Variants in SLC7A11 observed in about 807,000 individuals in gnomAD.
SLC7A11 encodes cystine/glutamate transporter.
SLC7A11 carries 35 observed loss-of-function variants against 54.5 expected under a neutral mutation model. The observed-to-expected ratio is 0.64, with a 90% CI of 0.49 to 0.85. SLC7A11 has a LOEUF of 0.85. SLC7A11 is among the 40% of genes least tolerant of loss of function. SLC7A11 has a pLI of 0.00. For synonymous variants in SLC7A11, 230 were observed against 225.2 expected, an observed-to-expected ratio of 1.02 and a Z score of -0.19; for missense variants, 583 against 618.1, an observed-to-expected ratio of 0.94 and a Z score of 0.60.
At chr4:138,224,056 C>T (rs979349987) in intron 3 of SLC7A11, among the ~76,000 whole-genome samples, 4 of 152,146 alleles carry the variant, frequency 2.6e-5, no homozygotes, top group South Asian at 2.1e-4. Flanking sequence ...TATCCACCTT[C>T]GACACCTTGT....
intron 4 of SLC7A11, among the ~76,000 whole-genome samples, chr4:138,220,599 T>A (rs549437165): frequency 6.6e-6 from 1 of 152,236 alleles, no homozygotes; most frequent in Admixed American, 6.5e-5. Context: ...TTCTTTTATA[T>A]CTTTTGAATA....
chr4:138,172,028 ATAAAAATGAAT>A lies in SLC7A11; in HGVS notation c.1445-22_1445-12del. 1.3e-6 allele frequency: 2 copies of A among 1,575,100 alleles called. No individual in the cohort carries two copies. Among genetic ancestry groups the A allele is most frequent in the South Asian group, 2.4e-5 (2 of 83,804 alleles). The stretch of plus-strand genomic sequence containing the variant: ...TTCTGGTTATTTTCTCTACAAAGAA[ATAAAAATGAAT>A]TAAAAATGCATGGAAATCAGAAATG... On this transcript the variant is annotated splice_polypyrimidine_tract_variant and intron_variant, in intron 11 of 11. Transcript: ENST00000280612.
intron 6 of SLC7A11, among the ~76,000 whole-genome samples, chr4:138,199,554 A>G (rs1263872733): frequency 1.3e-5 from 2 of 152,180 alleles, no homozygotes; most frequent in Non-Finnish European, 2.9e-5. Context: ...CAGGATAATC[A>G]GGATATCCTG....
intron 6 of SLC7A11, among the ~76,000 whole-genome samples, chr4:138,193,385 T>C (rs573118342): frequency 4.9e-4 from 74 of 152,290 alleles, no homozygotes; most frequent in Non-Finnish European, 9.3e-4. Flanking sequence ...TGTATTGACA[T>C]TCTATCAAAG....
intron 6 of SLC7A11, among the ~76,000 whole-genome samples, chr4:138,203,593 G>T (rs1233469963): frequency 6.6e-6 from 1 of 152,002 alleles, no homozygotes; most frequent in Non-Finnish European, 1.5e-5. Flanking sequence ...TCTGCCACAT[G>T]ATTTATCATA....
intron 6 of SLC7A11, among the ~76,000 whole-genome samples, chr4:138,188,469 G>T (rs1220960723): frequency 6.6e-6 from 1 of 152,150 alleles, no homozygotes; most frequent in African/African-American, 2.4e-5. Flanking sequence ...GAAGGGGGTG[G>T]GGAGGTTCTC....
intron 1 of SLC7A11, 141 bp from the exon 2 acceptor site, chr4:138,236,592 A>T: frequency 1.4e-6 from 1 of 735,754 alleles, no homozygotes; most frequent in South Asian, 2.0e-5. Flanking sequence ...ACTCAAGACA[A>T]ATAACCATCA....
Position 138,168,930 on chromosome 4 carries a change from C to A in SLC7A11, c.*3026G>T, listed in dbSNP as rs933768309. ...AGTATTATAAGGAAAATATTTACTG[C>A]AAATATTTATAATTGTGTAAGGAGA... On this transcript the variant is annotated 3_prime_UTR_variant, in exon 12 of 12. Coordinates refer to ENST00000280612, the MANE Select transcript of SLC7A11 (RefSeq NM_014331.4). 1 of 152,118 alleles carries A rather than the reference C, an allele frequency of 6.6e-6. No individual in the cohort carries two copies. The highest frequency in any genetic ancestry group is 2.4e-5 in the African/African-American group (1 of 41,434). The allele number at this position is 152,118 out of a possible 1,614,324, so 9.4% of individuals were successfully genotyped here.
intron 1 of SLC7A11, among the ~76,000 whole-genome samples, chr4:138,237,737 A>ATATATTTT (rs1560742768): frequency 1.0e-4 from 1 of 9,832 alleles, no homozygotes; most frequent in Non-Finnish European, 1.7e-4. Flanking sequence ...ATATATATAT[A>ATATATTTT]TTTTTTTTTT....
intron 5 of SLC7A11, among the ~76,000 whole-genome samples, chr4:138,215,617 T>A (rs1021556627): frequency 8.6e-5 from 13 of 152,000 alleles, no homozygotes; most frequent in African/African-American, 3.1e-4. Flanking sequence ...GACTAGAAAA[T>A]AAGTTTCTAT....
chr4:138,229,170 T>C (rs139288238), intron 3 of SLC7A11, among the ~76,000 whole-genome samples: 2 of 152,326 alleles, frequency 1.3e-5, no homozygotes, highest in Non-Finnish European at 2.9e-5. Context: ...AAGCAATTCA[T>C]GCAATTCAAC....
chr4:138,238,713 C>T lies in SLC7A11; in HGVS notation c.278-2262G>A, dbSNP rs149548937. On this transcript the variant is annotated intron_variant, in intron 1 of 11. Transcript: ENST00000280612. ...CTCCTGAGCTCAAGTGATCCTTCCACGTCAGCCTCCCAAGTAGCTGGGACC... is the reference window on the plus strand; with the variant it reads ...CTCCTGAGCTCAAGTGATCCTTCCATGTCAGCCTCCCAAGTAGCTGGGACC... Among the ~76,000 whole-genome samples, 1,441 of 152,114 alleles carry T rather than the reference C, an allele frequency of 9.5e-3. 31 individuals carry two copies. The highest frequency in any genetic ancestry group is 0.032 in the African/African-American group (1,331 of 41,496).
chr4:138,170,250 G>GTATATATATA lies in SLC7A11; in HGVS notation c.*1696_*1705dup, dbSNP rs1176136985. The GTATATATATA allele has an allele frequency of 1.8e-4, 13 of 74,102 alleles. No individual in the cohort carries two copies. The highest frequency in any genetic ancestry group is 1.7e-3 in the South Asian group (2 of 1,202). 4.6% of individuals were successfully genotyped at this position (74,102 alleles called of 1,614,324 possible). A position where few individuals can be genotyped will look rare whatever the true frequency, so the allele number is the denominator to read the frequency against. On this transcript the variant is annotated 3_prime_UTR_variant, in exon 12 of 12. Transcript: ENST00000280612. ...ATATAAAAAGTGTGTGTGTGTGTGTGTATATATATATATATATATATACAC... is the reference window on the plus strand; with the variant it reads ...ATATAAAAAGTGTGTGTGTGTGTGTGTATATATATATATATATATATATATATATATACAC...
Position 138,171,716 on chromosome 4 carries a change from A to G in SLC7A11, c.*240T>C. ...CTCCTAACCCCAATAGGTAGGTATCAGAGACTCAAGAATTGTGCGACTCAT... is the reference window on the plus strand; with the variant it reads ...CTCCTAACCCCAATAGGTAGGTATCGGAGACTCAAGAATTGTGCGACTCAT... On this transcript the variant is annotated 3_prime_UTR_variant, in exon 12 of 12. Coordinates refer to ENST00000280612, the MANE Select transcript of SLC7A11 (RefSeq NM_014331.4). The G allele has an allele frequency of 2.3e-6, 1 of 440,156 alleles. No homozygotes were observed. 27.3% of individuals were successfully genotyped at this position (440,156 alleles called of 1,614,324 possible). A position where few individuals can be genotyped will look rare whatever the true frequency, so the allele number is the denominator to read the frequency against.
chr4:138,183,144 T>C, intron 8 of SLC7A11, 58 bp downstream of exon 8: 1 of 1,200,234 alleles, frequency 8.3e-7, no homozygotes, highest in South Asian at 1.3e-5. Flanking sequence ...AAGTTATCCT[T>C]ATCACATCCA....
chr4:138,167,190 C>A lies in SLC7A11; in HGVS notation c.*4766G>T, dbSNP rs992238657. ...TTGAGATGAAGTCTCGCGCTCTTGTCCCCTAGGCTGGAGTGCAATGATGCG... is the reference window on the plus strand; with the variant it reads ...TTGAGATGAAGTCTCGCGCTCTTGTACCCTAGGCTGGAGTGCAATGATGCG... On this transcript the variant is annotated 3_prime_UTR_variant, in exon 12 of 12. Coordinates refer to ENST00000280612, the MANE Select transcript of SLC7A11 (RefSeq NM_014331.4). The A allele has an allele frequency of 2.5e-5, 3 of 119,416 alleles. No individual in the cohort carries two copies. The highest frequency in any genetic ancestry group is 4.8e-5 in the Non-Finnish European group (3 of 62,802). The allele number at this position is 119,416 out of a possible 1,614,324, so 7.4% of individuals were successfully genotyped here. A position where few individuals can be genotyped will look rare whatever the true frequency, so the allele number is the denominator to read the frequency against.
At chr4:138,195,073 C>T (rs544358881) in intron 6 of SLC7A11, among the ~76,000 whole-genome samples, 1 of 152,232 alleles carries the variant, frequency 6.6e-6, no homozygotes, top group East Asian at 1.9e-4. Context: ...AGCAGTACAG[C>T]ACATCAAAGT....
chr4:138,170,229 A>ATATATATATATATATATATATATATAT lies in SLC7A11; in HGVS notation c.*1726_*1727insATATATATATATATATATATATATATA, dbSNP rs1491323495. On this transcript the variant is annotated 3_prime_UTR_variant, in exon 12 of 12. Coordinates refer to ENST00000280612, the MANE Select transcript of SLC7A11 (RefSeq NM_014331.4). ...ACTATATATATATATATATATATAT[A>ATATATATATATATATATATATATATAT]AAAAGTGTGTGTGTGTGTGTGTATA... is the stretch of plus-strand genomic sequence containing the variant. The ATATATATATATATATATATATATATAT allele has an allele frequency of 9.0e-6, 1 of 111,620 alleles. No individual in the cohort carries two copies. The highest frequency in any genetic ancestry group is 1.8e-5 in the Non-Finnish European group (1 of 54,732). The allele number at this position is 111,620 out of a possible 1,614,324, so 6.9% of individuals were successfully genotyped here. A position where few individuals can be genotyped will look rare whatever the true frequency, so the allele number is the denominator to read the frequency against.
rs149368839 is a variant in SLC7A11, at chr4:138,208,474, A to G, written c.791+6111T>C. Among the ~76,000 whole-genome samples, 279 of 152,196 alleles carry G rather than the reference A, an allele frequency of 1.8e-3. 2 individuals carry two copies. The highest frequency in any genetic ancestry group is 6.5e-3 in the African/African-American group (268 of 41,550). ...AGGATTACAAACATTATACATCTCA[A>G]TGATATGTTCTTTGCACTGTGTAAC... is the stretch of plus-strand genomic sequence containing the variant. On this transcript the variant is annotated intron_variant, in intron 6 of 11. Transcript: ENST00000280612.
Sources: gnomAD v4.1 joint callset for allele counts (sites outside exome capture counted in the v4.1 genomes callset) on GRCh38, gnomAD v4.1.1 for gene constraint, MANE v1.5 for transcripts, NCBI Gene and HGNC (gene_info 2026-07-23, HGNC 2026-07-21) for gene names.